The following SLC44A1 variants were observed in gnomAD, a reference collection of about 807,000 sequenced individuals.
SLC44A1 encodes the protein choline transporter-like protein 1.
A neutral mutation model predicts 79.3 loss-of-function variants in SLC44A1; 26 were observed. The ratio of observed to expected loss-of-function variants is 0.33; its 90% CI spans 0.24 to 0.46. The LOEUF is 0.46. Among genes scored for constraint, SLC44A1 ranks in the 20% least tolerant of loss-of-function variants. The pLI is 1.00. For synonymous variants in SLC44A1, 263 were observed against 286.2 expected (o/e 0.92, Z 0.82); for missense variants, 688 against 798.1 (o/e 0.86, Z 1.66).
At chr9:105,280,275 A>T (rs894569467) in intron 1 of SLC44A1, among the ~76,000 whole-genome samples, 64 of 152,204 alleles carry the variant, frequency 4.2e-4, no homozygotes, top group African/African-American at 1.4e-3. Flanking sequence ...GAGGTAGAGT[A>T]TAGGATTCCA....
chr9:105,244,818 C>A lies in SLC44A1; in HGVS notation c.-51C>A. The stretch of plus-strand genomic sequence containing the variant: ...CGCCGGCTCGCATGCCGAGGGGCTC[C>A]GGGGCGTAGCTGCGCGCCCGGCGCC... On this transcript the variant is annotated 5_prime_UTR_variant, in exon 1 of 16. Coordinates refer to ENST00000374720, the MANE Select transcript of SLC44A1 (RefSeq NM_080546.5). 1 of 1,087,212 alleles carries A rather than the reference C, an allele frequency of 9.2e-7. No individual in the cohort carries two copies. The highest frequency in any genetic ancestry group is 1.1e-6 in the Non-Finnish European group (1 of 891,320). The allele number at this position is 1,087,212 out of a possible 1,614,324, so 67.3% of individuals were successfully genotyped here.
chr9:105,322,878 A>G (rs899547598), intron 3 of SLC44A1, among the ~76,000 whole-genome samples: 1 of 152,128 alleles, frequency 6.6e-6, no homozygotes, highest in Non-Finnish European at 1.5e-5. Context: ...TTATAAATGA[A>G]TATTATACTT....
intron 1 of SLC44A1, among the ~76,000 whole-genome samples, chr9:105,251,016 C>T (rs1054307410): frequency 1.3e-5 from 2 of 152,144 alleles, no homozygotes; most frequent in African/African-American, 4.8e-5. Flanking sequence ...CTTCCTTACC[C>T]TTTCTCTAGG....
chr9:105,245,466 C>T (rs1031774958), intron 1 of SLC44A1, among the ~76,000 whole-genome samples: 3 of 152,214 alleles, frequency 2.0e-5, no homozygotes, highest in African/African-American at 7.2e-5. Flanking sequence ...TTCAGCGGGT[C>T]CCGGAGCCCT....
chr9:105,278,464 G>A (rs567277344), intron 1 of SLC44A1, among the ~76,000 whole-genome samples: 4 of 152,234 alleles, frequency 2.6e-5, no homozygotes, highest in Admixed American at 1.3e-4. Context: ...TGACCAGGAG[G>A]GTCTCGATCT....
chr9:105,413,806 C>T (rs1422934609), intron 15 of SLC44A1, among the ~76,000 whole-genome samples: 2 of 152,148 alleles, frequency 1.3e-5, no homozygotes, highest in Non-Finnish European at 2.9e-5. Context: ...TGGAACACTA[C>T]CAAGATGGAC....
chr9:105,397,954 A>C (rs558041693), downstream of SLC44A1, among the ~76,000 whole-genome samples: 1 of 151,832 alleles, frequency 6.6e-6, no homozygotes, highest in East Asian at 1.9e-4. Context: ...TCTCAGAAAA[A>C]AAAAAAAAAG....
In SLC44A1 at chr9:105,392,188, A is replaced by G. The variant is rs1828776515; in HGVS notation, c.*3132A>G. 1 of 984,748 alleles carries G rather than the reference A, an allele frequency of 1.0e-6. No homozygotes were observed. Among genetic ancestry groups the G allele is most frequent in the Non-Finnish European group, 1.2e-6 (1 of 829,396 alleles). The allele number at this position is 984,748 out of a possible 1,614,324, so 61.0% of individuals were successfully genotyped here. A position where few individuals can be genotyped will look rare whatever the true frequency, so the allele number is the denominator to read the frequency against. On this transcript the variant is annotated 3_prime_UTR_variant, in exon 16 of 16. Transcript: ENST00000374720. ...AGAGCTCAAAGCCAGTTGTTCCTTT[A>G]AAGCATTTAATGCAATGGCTAATGT...
At chr9:105,377,677 G>A (rs1456048609) in intron 13 of SLC44A1, among the ~76,000 whole-genome samples, 4 of 151,274 alleles carry the variant, frequency 2.6e-5, no homozygotes, top group Admixed American at 6.6e-5. Context: ...GCGGAGAATC[G>A]CTTGAACCCA....
At chr9:105,284,449 T>C (rs1830430278) in intron 1 of SLC44A1, among the ~76,000 whole-genome samples, 1 of 152,202 alleles carries the variant, frequency 6.6e-6, no homozygotes, top group Non-Finnish European at 1.5e-5. Flanking sequence ...CTCTATAAGA[T>C]GATTTTTCTA....
At chr9:105,256,565 CTTTT>C (rs71501462) in intron 1 of SLC44A1, among the ~76,000 whole-genome samples, 1 of 136,212 alleles carries the variant, frequency 7.3e-6, no homozygotes, top group Admixed American at 7.4e-5. Context: ...GCTGGAAACT[CTTTT>C]TTTTTTTTTT....
chr9:105,258,437 A>G (rs1171627372), intron 1 of SLC44A1, among the ~76,000 whole-genome samples: 1 of 152,210 alleles, frequency 6.6e-6, no homozygotes, highest in Non-Finnish European at 1.5e-5. Flanking sequence ...TTTTATTCTC[A>G]TAACTCTGAG....
At chr9:105,289,832 GA>G (rs1373446375) in intron 1 of SLC44A1, among the ~76,000 whole-genome samples, 1 of 134,436 alleles carries the variant, frequency 7.4e-6, no homozygotes, top group African/African-American at 2.8e-5. Context: ...TTGTTTTTTT[GA>G]GATGGAATTT....
At chr9:105,296,790 C>G (rs1033910490) in intron 1 of SLC44A1, among the ~76,000 whole-genome samples, 1 of 152,170 alleles carries the variant, frequency 6.6e-6, no homozygotes, top group Non-Finnish European at 1.5e-5. Flanking sequence ...ACAATACAGG[C>G]ATTCTTATAT....
intron 15 of SLC44A1, among the ~76,000 whole-genome samples, chr9:105,414,290 C>G (rs928140621): frequency 6.6e-6 from 1 of 152,000 alleles, no homozygotes; most frequent in South Asian, 2.1e-4. Flanking sequence ...CTCCTGATCT[C>G]GTGATCCGCC....
At chr9:105,245,792 TTC>T (rs1486554115) in intron 1 of SLC44A1, among the ~76,000 whole-genome samples, 3 of 152,236 alleles carry the variant, frequency 2.0e-5, no homozygotes, top group African/African-American at 7.2e-5. Flanking sequence ...GCCAACCTCC[TTC>T]TCTCGGATCC....
In SLC44A1 at chr9:105,395,898, CTTTT is replaced by C; in HGVS notation, c.*6854_*6857del. Reference sequence around the variant, plus strand: ...TACCATGTTGATAATCCGGTGGTGACTTTTTTTTTTTTTTTGTAAATTGTATTAG... The same window carrying C: ...TACCATGTTGATAATCCGGTGGTGACTTTTTTTTTTTGTAAATTGTATTAG... On this transcript the variant is annotated 3_prime_UTR_variant, in exon 16 of 16. Coordinates refer to ENST00000374720, the MANE Select transcript of SLC44A1 (RefSeq NM_080546.5). The C allele has an allele frequency of 1.2e-6, 1 of 860,152 alleles. No individual in the cohort carries two copies. Among genetic ancestry groups the C allele is most frequent in the African/African-American group, 1.9e-5 (1 of 52,454 alleles). 53.3% of individuals were successfully genotyped at this position (860,152 alleles called of 1,614,324 possible).
chr9:105,276,468 G>A (rs1236723239), intron 1 of SLC44A1, among the ~76,000 whole-genome samples: 1 of 151,998 alleles, frequency 6.6e-6, no homozygotes, highest in East Asian at 1.9e-4. Flanking sequence ...TATTTTTTAA[G>A]GGGACTAAAC....
intron 5 of SLC44A1, among the ~76,000 whole-genome samples, chr9:105,355,740 C>T (rs1210232013): frequency 6.6e-6 from 1 of 152,134 alleles, no homozygotes; most frequent in African/African-American, 2.4e-5. Context: ...TTAGAGGAAA[C>T]ATTCTATTAA....
Sources: gnomAD v4.1 joint callset for allele counts (sites outside exome capture counted in the v4.1 genomes callset) on GRCh38, gnomAD v4.1.1 for gene constraint, MANE v1.5 for transcripts, NCBI Gene and HGNC (gene_info 2026-07-23, HGNC 2026-07-21) for gene names.